Variants in CFAP52 observed in about 807,000 individuals in gnomAD.
The protein encoded by CFAP52 is cilia and flagella associated protein 52, also known as cilia- and flagella-associated protein 52.
Under a neutral mutation model 70.5 loss-of-function variants are expected in CFAP52, and 57 were observed. The observed-to-expected ratio is 0.81, with a 90% CI of 0.65 to 1.01. CFAP52 has a LOEUF of 1.01. Ranked by LOEUF, CFAP52 falls within the 50% of genes least tolerant of loss-of-function variation. The pLI, the probability that CFAP52 is intolerant of heterozygous loss-of-function variation, is 0.00. For synonymous variants in CFAP52, 267 were observed against 292.5 expected, an observed-to-expected ratio of 0.91 and a Z score of 0.89; for missense variants, 785 against 788.5, an observed-to-expected ratio of 1.00 and a Z score of 0.05.
chr17:9,579,067 G>A (rs77262593), intron 1 of CFAP52, among the ~76,000 whole-genome samples: 2,253 of 152,264 alleles, frequency 0.015, 61 homozygotes, highest in African/African-American at 0.051. Context: ...TCCAAAAGGG[G>A]ATCTGTTCAG....
At chr17:9,613,903 G>C (rs72820034) in intron 8 of CFAP52, among the ~76,000 whole-genome samples, 19,017 of 151,996 alleles carry the variant, frequency 0.13, 1,257 homozygotes, top group East Asian at 0.27. Flanking sequence ...ATTTCTAACA[G>C]TGAAAATGGC....
rs1426372871 is a variant in CFAP52, at chr17:9,586,735, T to C, written c.308T>C (p.Leu103Pro). 6.2e-7 allele frequency: 1 copy of C among 1,613,764 alleles called. No homozygotes were observed. Among genetic ancestry groups the C allele is most frequent in the Admixed American group, 1.7e-5 (1 of 59,910 alleles). The change falls in exon 3 of 14, where the codon CTG becomes CCG. Residue 103 changes from leucine to proline, a missense_variant. Leu to Pro is a moderately conservative substitution (Grantham distance 98). Transcript: ENST00000352665. ...TTGTGGGATTATAAGAACAGAGAGC[T>C]GCTTGCTCGGCTGTCCCTTCACAAA... is the stretch of plus-strand genomic sequence containing the variant. The part of the protein sequence containing the change: ...IILWDYKNRE[L>P]LARLSLHKGK...
chr17:9,609,961 A>C (rs1465837656), intron 7 of CFAP52, among the ~76,000 whole-genome samples: 1 of 152,008 alleles, frequency 6.6e-6, no homozygotes, highest in Non-Finnish European at 1.5e-5. Context: ...CATGGAATAG[A>C]CACTTATAAA....
intron 11 of CFAP52, among the ~76,000 whole-genome samples, chr17:9,637,339 C>T (rs1910852662): frequency 6.6e-6 from 1 of 152,150 alleles, no homozygotes; most frequent in African/African-American, 2.4e-5. Flanking sequence ...TGCCTCAAAT[C>T]CTTAAAGCTG....
At position 9,594,225 on chromosome 17, in the gene CFAP52, C is replaced by T. The variant is rs1908895263; in HGVS notation, c.440C>T (p.Ala147Val). 1 of 1,613,440 alleles carries T rather than the reference C, an allele frequency of 6.2e-7. No individual in the cohort carries two copies. The highest frequency in any genetic ancestry group is 1.1e-5 in the South Asian group (1 of 91,050). ...GTGTGGAGCATAGCCAAGAGAGATG[C>T]CATCTGTGGCAGCCCTGCAGCCGGC... ...VVVWSIAKRD[A>V]ICGSPAAGLN... Residue 147 changes from alanine to valine, a missense_variant, in exon 4 of 14, where the codon GCC (alanine) becomes GTC (valine). Ala to Val is a moderately conservative substitution (Grantham distance 64, BLOSUM62 0). Transcript: ENST00000352665.
chr17:9,585,589 T>G lies in CFAP52; in HGVS notation c.71-184T>G, dbSNP rs754292439. 7.7e-5 allele frequency among the ~76,000 whole-genome samples: 10 copies of G among 130,574 alleles called. No individual in the cohort carries two copies. In the South Asian group the frequency reaches 1.4e-3, roughly 18 times the overall value. 85.7% of individuals were successfully genotyped at this position (130,574 alleles called of 152,430 possible). ...GGGAGGCTGAAGCAGGAGAATCACTTGAACCCAGGAGGTGAAGGTTGCAGT... is the reference window on the plus strand; with the variant it reads ...GGGAGGCTGAAGCAGGAGAATCACTGGAACCCAGGAGGTGAAGGTTGCAGT... On this transcript the variant is annotated intron_variant, in intron 1 of 13. Coordinates refer to ENST00000352665, the MANE Select transcript of CFAP52 (RefSeq NM_145054.5).
intron 6 of CFAP52, among the ~76,000 whole-genome samples, chr17:9,601,689 CAGTT>C (rs1175598253): frequency 6.6e-6 from 1 of 152,162 alleles, no homozygotes; most frequent in Admixed American, 6.5e-5. Flanking sequence ...GTTAAAAGGA[CAGTT>C]AGAGACTTTG....
chr17:9,608,352 A>C (rs2151940382), intron 7 of CFAP52, 133 bp downstream of exon 7: 3 of 690,640 alleles, frequency 4.3e-6, no homozygotes, highest in Non-Finnish European at 6.7e-6. Context: ...TAGAATGAGT[A>C]GTTGGAATCA....
intron 11 of CFAP52, among the ~76,000 whole-genome samples, chr17:9,637,023 C>T (rs1273946153): frequency 2.0e-5 from 3 of 152,106 alleles, no homozygotes; most frequent in African/African-American, 7.2e-5. Context: ...CCAGCCTGGG[C>T]CACAGAGTGA....
At chr17:9,600,228 A>C in intron 6 of CFAP52, 45 bp downstream of exon 6, 2 of 1,503,966 alleles carry the variant, frequency 1.3e-6, no homozygotes, top group Admixed American at 3.4e-5. Flanking sequence ...TTCTCCCTTC[A>C]CTGGCAGCAT....
intron 3 of CFAP52, among the ~76,000 whole-genome samples, chr17:9,588,192 A>G (rs1908582230): frequency 6.6e-6 from 1 of 152,176 alleles, no homozygotes; most frequent in Admixed American, 6.5e-5. Flanking sequence ...TAACACAGCC[A>G]TGTTGCCATA....
chr17:9,633,822 G>A (rs1333121664), intron 10 of CFAP52, among the ~76,000 whole-genome samples: 1 of 151,792 alleles, frequency 6.6e-6, no homozygotes, highest in East Asian at 1.9e-4. Context: ...GACTACAGGT[G>A]CCTGCCACCA....
chr17:9,632,775 C>A, intron 9 of CFAP52, 113 bp from the exon 10 acceptor site: 1 of 1,432,884 alleles, frequency 7.0e-7, no homozygotes. Context: ...TGGTCTCTTT[C>A]CTCCAGCACA....
At chr17:9,636,402 T>C (rs1313008558) in intron 11 of CFAP52, among the ~76,000 whole-genome samples, 4 of 152,124 alleles carry the variant, frequency 2.6e-5, no homozygotes, top group Non-Finnish European at 5.9e-5. Context: ...GGACCTCTTA[T>C]GCTCCGAGCG....
At chr17:9,596,051 A>G (rs570925976) in intron 4 of CFAP52, among the ~76,000 whole-genome samples, 1,404 of 77,448 alleles carry the variant, frequency 0.018, 36 homozygotes, top group Admixed American at 0.022. Flanking sequence ...GTAGATATAT[A>G]TGTGTGTGTA....
At chr17:9,584,301 AT>A in intron 1 of CFAP52, 4 of 1,289,246 alleles carry the variant, frequency 3.1e-6, no homozygotes, top group Non-Finnish European at 4.0e-6. Flanking sequence ...CTTGGCAGAT[AT>A]TTGGAGTACG....
At chr17:9,613,449 CTT>C (rs1743074150) in intron 8 of CFAP52, among the ~76,000 whole-genome samples, 2 of 151,854 alleles carry the variant, frequency 1.3e-5, no homozygotes, top group African/African-American at 4.8e-5. Context: ...TTCAGCAAGA[CTT>C]ATATTCAGAC....
At chr17:9,639,373 G>T (rs1304871946) in intron 12 of CFAP52, among the ~76,000 whole-genome samples, 1 of 151,910 alleles carries the variant, frequency 6.6e-6, no homozygotes, top group Admixed American at 6.6e-5. Flanking sequence ...GGAGGTTGCG[G>T]CGAGCCAAGA....
downstream of CFAP52, among the ~76,000 whole-genome samples, chr17:9,644,316 G>C (rs1049551004): frequency 1.3e-5 from 2 of 151,962 alleles, no homozygotes; most frequent in Non-Finnish European, 2.9e-5. Context: ...TGTTGGCCAG[G>C]CTGGTCTTGA....
Sources: allele counts gnomAD v4.1 joint callset (sites outside exome capture counted in the v4.1 genomes callset), GRCh38; gene constraint gnomAD v4.1.1; transcripts MANE v1.5; gene names NCBI Gene and HGNC (gene_info 2026-07-23, HGNC 2026-07-21).